The following SNURF variants were observed in gnomAD, a reference collection of about 807,000 sequenced individuals.
SNURF encodes the protein SNRPN upstream open reading frame, also known as SNURF protein.
SNURF carries 6 observed loss-of-function variants against 11.6 expected under a neutral mutation model. That is an observed-to-expected ratio of 0.52 (90% confidence interval 0.28 to 1.02). The LOEUF (loss-of-function observed/expected upper bound fraction) is 1.02, where lower values mean the gene tolerates loss of function less well. SNURF is among the 50% of genes least tolerant of loss of function. The pLI, the probability that SNURF is intolerant of heterozygous loss-of-function variation, is 0.09. For synonymous variants in SNURF, 29 were observed against 31.6 expected (o/e 0.92, Z 0.27); for missense variants, 84 against 88.4 (o/e 0.95, Z 0.20).
At chr15:24,963,250 G>A (rs1469742873) in intron 2 of SNURF, among the ~76,000 whole-genome samples, 1 of 152,092 alleles carries the variant, frequency 6.6e-6, no homozygotes, top group African/African-American at 2.4e-5. Context: ...TATTGTAATC[G>A]TTAGCTTGCT....
At chr15:24,977,936 G>T (rs1272255633), downstream of SNURF, 1 of 1,537,044 alleles carries the variant, frequency 6.5e-7, no homozygotes, top group African/African-American at 1.4e-5. Context: ...TGGTGAACAC[G>T]AAGACGAACT....
chr15:24,974,345 G>T (rs1284980918), intron 3 of SNURF: 6 of 974,538 alleles, frequency 6.2e-6, no homozygotes, highest in Non-Finnish European at 1.0e-5. Flanking sequence ...TGCCCAGCTT[G>T]CATTGTTTCT....
chr15:24,974,986 T>G (rs1176106215), intron 3 of SNURF: 1 of 702,810 alleles, frequency 1.4e-6, no homozygotes. Flanking sequence ...TAAAGAGGGC[T>G]TTGAAAATGG....
intron 2 of SNURF, among the ~76,000 whole-genome samples, chr15:24,963,327 G>A (rs760529527): frequency 7.2e-5 from 11 of 152,146 alleles, no homozygotes; most frequent in African/African-American, 7.2e-5. Flanking sequence ...CTTTGAAAAC[G>A]CAGTGTAGGC....
chr15:24,977,649 G>T, intron 6 of SNURF: 1 of 906,756 alleles, frequency 1.1e-6, no homozygotes. Flanking sequence ...AAAAAAACAT[G>T]GGAATAATGA....
downstream of SNURF, among the ~76,000 whole-genome samples, chr15:24,973,674 A>G (rs2076728772): frequency 6.6e-6 from 1 of 152,242 alleles, no homozygotes; most frequent in South Asian, 2.1e-4. Flanking sequence ...TGCTGGGATT[A>G]CAGGCGTGAG....
rs1469888762 is a variant in SNURF, at chr15:24,955,199, C to G, written c.14+137C>G. The G allele has an allele frequency of 2.5e-6, 3 of 1,205,356 alleles. No homozygotes were observed. In the Admixed American group the frequency reaches 6.0e-5, roughly 24 times the overall value. The allele number at this position is 1,205,356 out of a possible 1,614,324, so 74.7% of individuals were successfully genotyped here. On this transcript the variant is annotated intron_variant, in intron 1 of 2. Transcript: ENST00000577949. Reference sequence around the variant, plus strand: ...CCCTAAAGTCCTTTGTTCTGGAGAACCAGATCCGGAATGTTCAGAGGCTTG... The same window carrying G: ...CCCTAAAGTCCTTTGTTCTGGAGAAGCAGATCCGGAATGTTCAGAGGCTTG...
At chr15:24,964,094 AT>A (rs141844738) in intron 2 of SNURF, among the ~76,000 whole-genome samples, 7 of 150,114 alleles carry the variant, frequency 4.7e-5, no homozygotes, top group Non-Finnish European at 7.4e-5. Flanking sequence ...GAGGGTAAAG[AT>A]TTTTTTTTTA....
At chr15:24,957,778 A>T (rs527696853) in intron 1 of SNURF, among the ~76,000 whole-genome samples, 9 of 151,908 alleles carry the variant, frequency 5.9e-5, no homozygotes, top group Non-Finnish European at 1.3e-4. Context: ...TCACATACAT[A>T]TATTTCTTGG....
chr15:24,963,130 A>G (rs1484294226), intron 2 of SNURF, among the ~76,000 whole-genome samples: 1 of 152,232 alleles, frequency 6.6e-6, no homozygotes, highest in South Asian at 2.1e-4. Context: ...GTTTGTGTGC[A>G]TACGACACCG....
chr15:24,970,740 A>T (rs2076295311), downstream of SNURF, among the ~76,000 whole-genome samples: 1 of 152,200 alleles, frequency 6.6e-6, no homozygotes, highest in Non-Finnish European at 1.5e-5. Context: ...ACACATCATG[A>T]GAAGTGCTGA....
At chr15:24,960,042 A>T (rs1280191847) in intron 1 of SNURF, among the ~76,000 whole-genome samples, 1 of 151,918 alleles carries the variant, frequency 6.6e-6, no homozygotes, top group Non-Finnish European at 1.5e-5. Context: ...AGGTGGGTAG[A>T]TCACCTGAGG....
Position 24,974,561 on chromosome 15 carries a change from G to GATAC in SNURF, c.*46-794_*46-791dup, listed in dbSNP as rs527807418. The GATAC allele has an allele frequency of 3.1e-4, 325 of 1,049,236 alleles. 2 individuals carry two copies. In the African/African-American group the frequency reaches 4.7e-3, roughly 15 times the overall value. The allele number at this position is 1,049,236 out of a possible 1,614,324, so 65.0% of individuals were successfully genotyped here. A position where few individuals can be genotyped will look rare whatever the true frequency, so the allele number is the denominator to read the frequency against. On this transcript the variant is annotated intron_variant and NMD_transcript_variant, in intron 3 of 6. Transcript: ENST00000580062. ...TTGGGTTCTGAATGTTAGAAATAAG[G>GATAC]ATACATCCATGGATATGGATTCTCA...
intron 6 of SNURF, among the ~76,000 whole-genome samples, chr15:24,977,434 T>G (rs1388464281): frequency 2.6e-5 from 4 of 151,924 alleles, no homozygotes; most frequent in African/African-American, 9.7e-5. Context: ...AGGTCAGGAG[T>G]TCGACACCAG....
At chr15:24,958,186 C>T (rs2063224370) in intron 1 of SNURF, among the ~76,000 whole-genome samples, 1 of 152,134 alleles carries the variant, frequency 6.6e-6, no homozygotes, top group Admixed American at 6.5e-5. Context: ...TGTTCCTTTT[C>T]CTAATAAACA....
chr15:24,977,529 A>G (rs978492640), intron 6 of SNURF, among the ~76,000 whole-genome samples: 8 of 152,046 alleles, frequency 5.3e-5, no homozygotes, highest in Non-Finnish European at 1.0e-4. Context: ...AATCCCAGCT[A>G]CCAGGCAGGG....
intron 1 of SNURF, among the ~76,000 whole-genome samples, chr15:24,957,385 G>A (rs1324534938): frequency 6.6e-6 from 1 of 152,210 alleles, no homozygotes; most frequent in East Asian, 1.9e-4. Flanking sequence ...CTTTGGATCA[G>A]TTACTGTCTT....
At chr15:24,963,366 C>T (rs2075136263) in intron 2 of SNURF, among the ~76,000 whole-genome samples, 1 of 152,154 alleles carries the variant, frequency 6.6e-6, no homozygotes, top group Non-Finnish European at 1.5e-5. Context: ...CCTGTAATCC[C>T]AGCACTTTGG....
chr15:24,969,125 T>TATTA (rs1157025971), downstream of SNURF, among the ~76,000 whole-genome samples: 3 of 152,210 alleles, frequency 2.0e-5, no homozygotes, highest in East Asian at 5.8e-4. Flanking sequence ...CATTTTGAGT[T>TATTA]ATTAATTAAT....
Sources: gnomAD v4.1 joint callset for allele counts (sites outside exome capture counted in the v4.1 genomes callset) on GRCh38, gnomAD v4.1.1 for gene constraint, MANE v1.5 for transcripts, NCBI Gene and HGNC (gene_info 2026-07-23, HGNC 2026-07-21) for gene names.